The following GALNT2 variants were observed in gnomAD, a reference collection of about 807,000 sequenced individuals.
GALNT2 encodes the protein polypeptide N-acetylgalactosaminyltransferase 2.
GALNT2 carries 31 observed loss-of-function variants against 81.4 expected under a neutral mutation model. The observed-to-expected ratio is 0.38, with a 90% confidence interval of 0.29 to 0.51. The LOEUF (loss-of-function observed/expected upper bound fraction) is 0.51. Ranked by LOEUF, GALNT2 falls within the 20% of genes least tolerant of loss-of-function variation. GALNT2 has a pLI of 0.87. For synonymous variants in GALNT2, 303 were observed against 287.4 expected (o/e 1.05, Z -0.55); for missense variants, 629 against 765.7 (o/e 0.82, Z 2.11).
chr1:230,142,474 G>A (rs1029122600), intron 1 of GALNT2, among the ~76,000 whole-genome samples: 2 of 152,172 alleles, frequency 1.3e-5, no homozygotes, highest in East Asian at 3.9e-4. Flanking sequence ...TTGATCTGGG[G>A]CAAGTAACTT....
rs1666274191 is a variant in GALNT2 at position 230,275,525 on chromosome 1, C to T, written c.1560+961C>T. 6.7e-6 allele frequency among the ~76,000 whole-genome samples: 1 copy of T among 149,492 alleles called. No individual in the cohort carries two copies. Among genetic ancestry groups the T allele is most frequent in the African/African-American group, 2.5e-5 (1 of 40,698 alleles). The stretch of plus-strand genomic sequence containing the variant: ...CACCACAGATACATACATATATATA[C>T]ATGCCACATAGATATACATATATAA... On this transcript the variant is annotated intron_variant, in intron 15 of 15. Transcript: ENST00000366672. The surrounding 1 kb of genome is among the most constrained non-coding windows in gnomAD (Gnocchi z 5.5).
chr1:230,205,998 CAG>C (rs1446254664), intron 3 of GALNT2, among the ~76,000 whole-genome samples: 1 of 152,152 alleles, frequency 6.6e-6, no homozygotes, highest in Non-Finnish European at 1.5e-5. Flanking sequence ...GGCCTAAACT[CAG>C]GGGAATAAAG....
intron 1 of GALNT2, among the ~76,000 whole-genome samples, chr1:230,083,338 G>C (rs1018468559): frequency 6.0e-5 from 9 of 149,406 alleles, no homozygotes; most frequent in Non-Finnish European, 1.3e-4. Context: ...TGATGGAGCA[G>C]GGGAGCCGGG....
chr1:230,138,666 C>T (rs984130477), intron 1 of GALNT2, among the ~76,000 whole-genome samples: 4 of 151,940 alleles, frequency 2.6e-5, no homozygotes, highest in South Asian at 2.1e-4. Context: ...TTATGAGTTT[C>T]GTGGGAAAGG....
chr1:230,277,485 A>G (rs1489922041), intron 15 of GALNT2, among the ~76,000 whole-genome samples: 1 of 152,152 alleles, frequency 6.6e-6, no homozygotes, highest in Non-Finnish European at 1.5e-5. Flanking sequence ...GCCTCAATAC[A>G]TACACACTTT....
intron 1 of GALNT2, among the ~76,000 whole-genome samples, chr1:230,161,269 T>C (rs1196487928): frequency 5.3e-5 from 8 of 152,218 alleles, no homozygotes; most frequent in African/African-American, 1.9e-4. Flanking sequence ...TGTCTGGGGC[T>C]CCTCAACTCT....
chr1:230,246,299 A>C (rs1402789964), intron 8 of GALNT2, 149 bp downstream of exon 8: 1 of 651,052 alleles, frequency 1.5e-6, no homozygotes, highest in African/African-American at 1.8e-5. Flanking sequence ...GTGCTTAACG[A>C]GTAGGACTTC....
At chr1:230,218,799 C>T (rs1664463693) in intron 3 of GALNT2, among the ~76,000 whole-genome samples, 2 of 152,194 alleles carry the variant, frequency 1.3e-5, no homozygotes, top group South Asian at 4.1e-4. Flanking sequence ...AAGCAGGAGT[C>T]CCCAACCCCT....
intron 2 of GALNT2, among the ~76,000 whole-genome samples, chr1:230,198,029 C>G (rs1663756370): frequency 6.6e-6 from 1 of 152,210 alleles, no homozygotes; most frequent in South Asian, 2.1e-4. Flanking sequence ...GACCACAGCA[C>G]GTCTCATATG....
intron 1 of GALNT2, among the ~76,000 whole-genome samples, chr1:230,073,994 G>T (rs1035685529): frequency 2.0e-5 from 3 of 152,198 alleles, no homozygotes; most frequent in Admixed American, 6.5e-5. Flanking sequence ...AATTTCCAGA[G>T]TTCAGGTCAG....
intron 1 of GALNT2, among the ~76,000 whole-genome samples, chr1:230,148,792 G>C (rs1272703737): frequency 6.6e-6 from 1 of 151,898 alleles, no homozygotes; most frequent in Admixed American, 6.6e-5. Flanking sequence ...TCGCTCTATT[G>C]CCCAGGCTGG....
At position 230,067,259 on chromosome 1, in the gene GALNT2, C is replaced by T. The variant is rs1571920842; in HGVS notation, c.-22C>T. 4.7e-6 allele frequency: 6 copies of T among 1,286,652 alleles called. No individual in the cohort carries two copies. The highest frequency in any genetic ancestry group is 3.5e-5 in the East Asian group (1 of 28,260). 79.7% of individuals were successfully genotyped at this position (1,286,652 alleles called of 1,614,324 possible). A position where few individuals can be genotyped will look rare whatever the true frequency, so the allele number is the denominator to read the frequency against. Reference sequence around the variant, plus strand: ...CAGCACTCGCGAGCAGCGGCGGCCCCGCCGGCGGCCGAGTTGGGAGAATGC... The same window carrying T: ...CAGCACTCGCGAGCAGCGGCGGCCCTGCCGGCGGCCGAGTTGGGAGAATGC... On this transcript the variant is annotated 5_prime_UTR_variant, in exon 1 of 16. Transcript: ENST00000366672.
chr1:230,127,321 C>G (rs78703903), intron 1 of GALNT2, among the ~76,000 whole-genome samples: 13,415 of 152,068 alleles, frequency 0.088, 758 homozygotes, highest in South Asian at 0.13. Context: ...GACACCTCCC[C>G]CTTCATCCCT....
intron 1 of GALNT2, among the ~76,000 whole-genome samples, chr1:230,134,635 A>G (rs996561267): frequency 6.6e-6 from 1 of 152,190 alleles, no homozygotes; most frequent in Non-Finnish European, 1.5e-5. Context: ...TTTTAAGGCC[A>G]GTAGTGCTCA....
rs1663219588 is a variant in GALNT2 at position 230,183,358 on chromosome 1, C to T, written c.220+5047C>T. ...CCTTATTCTGTGTTTGTACTTTTACCTTTCACACTTTTTCTGCCTTTTGTC... is the reference window on the plus strand; with the variant it reads ...CCTTATTCTGTGTTTGTACTTTTACTTTTCACACTTTTTCTGCCTTTTGTC... On this transcript the variant is annotated intron_variant, in intron 2 of 15. Coordinates refer to ENST00000366672, the MANE Select transcript of GALNT2 (RefSeq NM_004481.5). Among the ~76,000 whole-genome samples the T allele has an allele frequency of 3.3e-5, 5 of 151,782 alleles. No individual in the cohort carries two copies. The South Asian group carries it at 1.0e-3, about 32-fold the overall frequency.
chr1:230,214,500 C>T (rs1055472295), intron 3 of GALNT2, among the ~76,000 whole-genome samples: 1 of 152,198 alleles, frequency 6.6e-6, no homozygotes, highest in African/African-American at 2.4e-5. Context: ...TTTCAGTTGT[C>T]TTCTGTTTTT....
At chr1:230,249,373 A>G in intron 9 of GALNT2, 102 bp downstream of exon 9, 4 of 919,362 alleles carry the variant, frequency 4.4e-6, no homozygotes, top group Non-Finnish European at 6.8e-6. Flanking sequence ...GGGGCTGTTC[A>G]CCTTCTGCCC....
chr1:230,223,134 T>C (rs1263170684), intron 3 of GALNT2, among the ~76,000 whole-genome samples: 1 of 152,020 alleles, frequency 6.6e-6, no homozygotes, highest in Non-Finnish European at 1.5e-5. Context: ...AAGATATATA[T>C]TCATGGATTA....
intron 3 of GALNT2, among the ~76,000 whole-genome samples, chr1:230,228,114 C>T (rs376228580): frequency 3.3e-4 from 50 of 152,172 alleles, no homozygotes; most frequent in African/African-American, 1.2e-3. Context: ...GCAGAACTGT[C>T]AGATATGGAG....
Sources: allele counts gnomAD v4.1 joint callset (sites outside exome capture counted in the v4.1 genomes callset), GRCh38; gene constraint gnomAD v4.1.1; non-coding constraint Gnocchi (gnomAD v3.1); transcripts MANE v1.5; gene names NCBI Gene and HGNC (gene_info 2026-07-23, HGNC 2026-07-21).